Variants in CTIF observed in about 807,000 individuals in gnomAD.
CTIF encodes the protein cap binding complex dependent translation initiation factor, also known as CBP80/20-dependent translation initiation factor.
A neutral mutation model predicts 66.0 loss-of-function variants in CTIF; 21 were observed. The observed-to-expected ratio is 0.32, with a 90% CI of 0.23 to 0.46. The LOEUF (loss-of-function observed/expected upper bound fraction) is 0.46. Ranked by LOEUF, CTIF falls within the 20% of genes least tolerant of loss-of-function variation. The pLI, the probability that CTIF is intolerant of heterozygous loss-of-function variation, is 1.00. For synonymous variants in CTIF, 345 were observed against 326.4 expected, an observed-to-expected ratio of 1.06 and a Z score of -0.62; for missense variants, 739 against 812.7, an observed-to-expected ratio of 0.91 and a Z score of 1.10.
chr18:48,618,316 A>G (rs1055863365), intron 1 of CTIF, among the ~76,000 whole-genome samples: 1 of 152,242 alleles, frequency 6.6e-6, no homozygotes, highest in Admixed American at 6.5e-5. Flanking sequence ...ACGCTGCTCT[A>G]TATGGCTTCA....
intron 7 of CTIF, among the ~76,000 whole-genome samples, chr18:48,744,006 C>A (rs926326966): frequency 6.6e-6 from 1 of 152,138 alleles, no homozygotes; most frequent in Non-Finnish European, 1.5e-5. Flanking sequence ...AGAGGAGGGG[C>A]GTACTTTGAG....
chr18:48,608,909 G>A (rs1231815179), intron 1 of CTIF, among the ~76,000 whole-genome samples: 4 of 152,210 alleles, frequency 2.6e-5, no homozygotes, highest in African/African-American at 4.8e-5. Flanking sequence ...GGCCTGGAGC[G>A]CTGCTGCCAC....
chr18:48,797,556 A>T (rs775001665), intron 9 of CTIF, among the ~76,000 whole-genome samples: 2 of 150,324 alleles, frequency 1.3e-5, no homozygotes, highest in African/African-American at 2.5e-5. Flanking sequence ...ATTGTAGCTG[A>T]TATTTTACCT....
rs1316856356 is a variant in CTIF at position 48,623,555 on chromosome 18, C to G, written c.180+3810C>G. 2.7e-5 allele frequency among the ~76,000 whole-genome samples: 4 copies of G among 145,960 alleles called. No individual in the cohort carries two copies. In the South Asian group the frequency reaches 6.4e-4, roughly 23 times the overall value. Reference sequence around the variant, plus strand: ...ACTTTGGCTTGTTTTTTTTTTTAATCTGATGACTAGTTTAAATGGAAGCCA... The same window carrying G: ...ACTTTGGCTTGTTTTTTTTTTTAATGTGATGACTAGTTTAAATGGAAGCCA... On this transcript the variant is annotated intron_variant, in intron 2 of 11. Coordinates refer to ENST00000256413, the MANE Select transcript of CTIF (RefSeq NM_014772.3).
At chr18:48,541,282 C>T (rs960131537) in intron 1 of CTIF, among the ~76,000 whole-genome samples, 2 of 152,146 alleles carry the variant, frequency 1.3e-5, no homozygotes, top group African/African-American at 2.4e-5. Context: ...GGATTATCCC[C>T]CAGTCCAGGG....
At chr18:48,585,577 G>C (rs1049453279) in intron 1 of CTIF, among the ~76,000 whole-genome samples, 1 of 152,220 alleles carries the variant, frequency 6.6e-6, no homozygotes, top group African/African-American at 2.4e-5. Context: ...TGACAGTACT[G>C]TTTCCCCTGG....
At chr18:48,722,750 G>A (rs2092351746) in intron 7 of CTIF, among the ~76,000 whole-genome samples, 2 of 152,262 alleles carry the variant, frequency 1.3e-5, no homozygotes, top group South Asian at 4.1e-4. Flanking sequence ...GCGCTCACAG[G>A]TGTAAGCACA....
In CTIF at chr18:48,700,524, G is replaced by A. The variant is rs113293870; in HGVS notation, c.508-11095G>A. On this transcript the variant is annotated intron_variant, in intron 6 of 11. Transcript: ENST00000256413. ...CACCTCAGAATCTTAGCATGGCTGC[G>A]CAGGTGGTTTAGGCAGGGGCTCCCT... 3.3e-3 allele frequency among the ~76,000 whole-genome samples: 510 copies of A among 152,312 alleles called. 3 individuals are homozygous for A. Among genetic ancestry groups the A allele is most frequent in the African/African-American group, 0.012 (485 of 41,560 alleles).
At chr18:48,857,000 C>T (rs894039431) in intron 10 of CTIF, among the ~76,000 whole-genome samples, 3 of 152,178 alleles carry the variant, frequency 2.0e-5, no homozygotes, top group African/African-American at 7.2e-5. Flanking sequence ...CAGGACTGAG[C>T]GCTGAGCAGC....
At chr18:48,545,780 G>A (rs557871010) in intron 1 of CTIF, among the ~76,000 whole-genome samples, 1 of 152,300 alleles carries the variant, frequency 6.6e-6, no homozygotes, top group South Asian at 2.1e-4. Flanking sequence ...CCCTGGGAGC[G>A]GGGAAGCATT....
intron 7 of CTIF, among the ~76,000 whole-genome samples, chr18:48,745,838 T>C (rs2092591329): frequency 6.6e-6 from 1 of 152,216 alleles, no homozygotes; most frequent in East Asian, 1.9e-4. Flanking sequence ...CATGAAGCCT[T>C]GAGGAGTCCT....
chr18:48,784,610 C>A (rs995805470), intron 9 of CTIF, among the ~76,000 whole-genome samples: 4 of 152,052 alleles, frequency 2.6e-5, no homozygotes, highest in African/African-American at 9.7e-5. Context: ...AGGATAAGGA[C>A]CCTGGGAGGA....
intron 5 of CTIF, among the ~76,000 whole-genome samples, chr18:48,668,457 G>A (rs1165726331): frequency 6.6e-6 from 1 of 152,222 alleles, no homozygotes; most frequent in Non-Finnish European, 1.5e-5. Context: ...ATGTTTGGAT[G>A]TTCCGGGCCT....
At chr18:48,578,082 T>C (rs2089574944) in intron 1 of CTIF, among the ~76,000 whole-genome samples, 1 of 152,254 alleles carries the variant, frequency 6.6e-6, no homozygotes, top group Non-Finnish European at 1.5e-5. Context: ...ATATGTTCTC[T>C]TTTGTAACTG....
chr18:48,848,510 T>C (rs1047810469), intron 10 of CTIF, among the ~76,000 whole-genome samples: 2 of 152,194 alleles, frequency 1.3e-5, no homozygotes, highest in Non-Finnish European at 2.9e-5. Context: ...GTGGGTGAGC[T>C]GAGGTGGTCA....
At chr18:48,834,116 A>G (rs1453350684) in intron 10 of CTIF, among the ~76,000 whole-genome samples, 1 of 150,462 alleles carries the variant, frequency 6.6e-6, no homozygotes, top group African/African-American at 2.4e-5. Context: ...GAAGGGCCAG[A>G]TAGTAAATAT....
At chr18:48,735,216 G>A (rs1340607383) in intron 7 of CTIF, among the ~76,000 whole-genome samples, 1 of 152,144 alleles carries the variant, frequency 6.6e-6, no homozygotes, top group Non-Finnish European at 1.5e-5. Flanking sequence ...GGTGGAACCT[G>A]ATCCGTCTCT....
chr18:48,546,639 G>A (rs974908908), intron 1 of CTIF, among the ~76,000 whole-genome samples: 1 of 152,120 alleles, frequency 6.6e-6, no homozygotes, highest in Admixed American at 6.5e-5. Context: ...GTTGGGAGAG[G>A]TGTTGAGGGG....
intron 7 of CTIF, among the ~76,000 whole-genome samples, chr18:48,752,341 G>A (rs1431864185): frequency 6.6e-6 from 1 of 152,176 alleles, no homozygotes; most frequent in Non-Finnish European, 1.5e-5. Context: ...TGCTGCTGTT[G>A]CCGCCATCAT....
Sources: gnomAD v4.1 joint callset for allele counts (sites outside exome capture counted in the v4.1 genomes callset) on GRCh38, gnomAD v4.1.1 for gene constraint, MANE v1.5 for transcripts, NCBI Gene and HGNC (gene_info 2026-07-23, HGNC 2026-07-21) for gene names.